Variants in ZNF420 observed in about 807,000 individuals in gnomAD.
The protein encoded by ZNF420 is ATM and p53-associated KZNF protein.
ZNF420 carries 31 observed loss-of-function variants against 44.7 expected under a neutral mutation model. That is an observed-to-expected ratio of 0.69 (90% confidence interval 0.52 to 0.94). The LOEUF (loss-of-function observed/expected upper bound fraction) is 0.94, where lower values mean the gene tolerates loss of function less well. Ranked by LOEUF, ZNF420 falls within the 40% of genes least tolerant of loss-of-function variation. The pLI is 0.00. For missense variants in ZNF420, 681 were observed against 827.9 expected, an observed-to-expected ratio of 0.82 and a Z score of 2.18; for synonymous variants, 245 against 267.4, an observed-to-expected ratio of 0.92 and a Z score of 0.82.
At chr19:37,009,056 A>G (rs2074549131) in intron 1 of ZNF420, among the ~76,000 whole-genome samples, 1 of 152,194 alleles carries the variant, frequency 6.6e-6, no homozygotes, top group African/African-American at 2.4e-5. Flanking sequence ...AATGAATGGT[A>G]GGCGACCGTG....
intron 1 of ZNF420, among the ~76,000 whole-genome samples, chr19:37,042,281 G>A (rs1176135056): frequency 1.3e-5 from 2 of 152,250 alleles, no homozygotes; most frequent in Admixed American, 6.5e-5. Flanking sequence ...ACAGGCGTGA[G>A]CCACTGCGCC....
chr19:37,053,575 A>T (rs1456679452), intron 1 of ZNF420, among the ~76,000 whole-genome samples: 1 of 152,128 alleles, frequency 6.6e-6, no homozygotes, highest in Non-Finnish European at 1.5e-5. Flanking sequence ...TTTTCCTTCT[A>T]ACAGTCAGGA....
Position 37,127,523 on chromosome 19 carries a change from C to T in ZNF420, c.532C>T (p.Arg178Cys), listed in dbSNP as rs1487563804. ...TAAGCAATGCGGGAAGGCCTTTAGT[C>T]GTGATTCACAACTCAGTCTTCATCA... ...ECKQCGKAFSRDSQLSLHQRL... is the reference protein window; with the variant it reads ...ECKQCGKAFSCDSQLSLHQRL... Residue 178 changes from arginine to cysteine, a missense_variant, in exon 5 of 5, where the codon CGT (arginine) becomes TGT (cysteine). Transcript: ENST00000337995. The T allele has an allele frequency of 3.7e-6, 6 of 1,613,698 alleles. No individual in the cohort carries two copies. Among genetic ancestry groups the T allele is most frequent in the African/African-American group, 1.3e-5 (1 of 74,876 alleles).
In ZNF420 at chr19:37,128,195, C is replaced by T. The variant is rs1971464315; in HGVS notation, c.1204C>T (p.His402Tyr). 2 of 1,613,958 alleles carry T rather than the reference C, an allele frequency of 1.2e-6. No homozygotes were observed. Among genetic ancestry groups the T allele is most frequent in the Admixed American group, 1.7e-5 (1 of 60,002 alleles). The change falls in exon 5 of 5, where the codon CAT becomes TAT. Residue 402 changes from histidine to tyrosine, a missense_variant. Physicochemically the swap from His to Tyr is moderately conservative, Grantham distance 83 (BLOSUM62 2). This residue lies in a region of ZNF420 where 51 missense variants were observed against 106.8 expected (regional missense o/e 0.48). Coordinates refer to ENST00000337995, the MANE Select transcript of ZNF420 (RefSeq NM_144689.5). ...ECKECGKMFS[H>Y]GSQLTQHQRI... ...TAAGGAATGTGGAAAGATGTTTAGT[C>T]ATGGCTCACAACTTACTCAACATCA...
intron 4 of ZNF420, among the ~76,000 whole-genome samples, chr19:37,110,181 TGTGA>T (rs1307211472): frequency 6.6e-6 from 1 of 152,216 alleles, no homozygotes; most frequent in Admixed American, 6.5e-5. Context: ...CCATATGAAA[TGTGA>T]GTAAGTATCA....
intron 1 of ZNF420, among the ~76,000 whole-genome samples, chr19:37,031,714 G>A (rs1967261114): frequency 6.6e-6 from 1 of 151,958 alleles, no homozygotes; most frequent in Non-Finnish European, 1.5e-5. Flanking sequence ...GGTTTTGCAT[G>A]TTGGCCAGGC....
At chr19:37,113,113 G>A (rs150778440) in intron 4 of ZNF420, among the ~76,000 whole-genome samples, 2 of 152,338 alleles carry the variant, frequency 1.3e-5, no homozygotes, top group African/African-American at 4.8e-5. Flanking sequence ...GGGGCCTGAG[G>A]CTGGCCCCTC....
chr19:37,126,810 T>G (rs1205212300), intron 4 of ZNF420, among the ~76,000 whole-genome samples: 2 of 152,158 alleles, frequency 1.3e-5, no homozygotes, highest in Non-Finnish European at 2.9e-5. Context: ...AGCTAATTTT[T>G]TTTAAAATTC....
chr19:37,044,525 A>G (rs1050646183), intron 1 of ZNF420, among the ~76,000 whole-genome samples: 4 of 152,136 alleles, frequency 2.6e-5, no homozygotes, highest in Non-Finnish European at 5.9e-5. Flanking sequence ...ATTTGAAAAT[A>G]ATTAATCCTA....
chr19:37,097,733 G>A (rs1969537413), intron 4 of ZNF420, among the ~76,000 whole-genome samples: 1 of 152,042 alleles, frequency 6.6e-6, no homozygotes, highest in Non-Finnish European at 1.5e-5. Context: ...AATTATTCCT[G>A]CATTTGTGGG....
chr19:37,032,248 A>G (rs1032094139), intron 1 of ZNF420, among the ~76,000 whole-genome samples: 1 of 152,058 alleles, frequency 6.6e-6, no homozygotes, highest in African/African-American at 2.4e-5. Context: ...CTGAGGCAGG[A>G]AAACCACTTG....
intron 4 of ZNF420, among the ~76,000 whole-genome samples, chr19:37,118,441 G>A (rs12978328): frequency 0.019 from 2,905 of 152,160 alleles, 77 homozygotes; most frequent in East Asian, 0.049. Context: ...TCACCAGCAG[G>A]CCTGCCCTAA....
intron 1 of ZNF420, among the ~76,000 whole-genome samples, chr19:37,034,346 C>G (rs913154108): frequency 6.6e-6 from 1 of 152,094 alleles, no homozygotes; most frequent in Non-Finnish European, 1.5e-5. Flanking sequence ...AGTCCTTTGC[C>G]TATTTTTTAG....
At chr19:37,019,766 T>TCA (rs770613898) in intron 1 of ZNF420, among the ~76,000 whole-genome samples, 28 of 115,574 alleles carry the variant, frequency 2.4e-4, no homozygotes, top group South Asian at 1.8e-3. Context: ...GACTCATCTG[T>TCA]CACAAAAAAA....
intron 3 of ZNF420, 51 bp downstream of exon 3, chr19:37,089,178 G>A (rs1398718576): frequency 5.9e-6 from 9 of 1,519,870 alleles, no homozygotes; most frequent in East Asian, 4.5e-5. Flanking sequence ...TACAGAGCAT[G>A]TGTGTGTTTG....
intron 3 of ZNF420, among the ~76,000 whole-genome samples, chr19:37,090,569 A>C (rs1407222643): frequency 6.6e-6 from 1 of 151,992 alleles, no homozygotes; most frequent in Non-Finnish European, 1.5e-5. Flanking sequence ...TGTACTTTTC[A>C]GCCCATGTGC....
intron 4 of ZNF420, among the ~76,000 whole-genome samples, chr19:37,117,669 C>T (rs1970773494): frequency 6.6e-6 from 1 of 151,784 alleles, no homozygotes; most frequent in Admixed American, 6.6e-5. Flanking sequence ...GATCAAACTA[C>T]TCCCGAGCTA....
At chr19:37,054,849 G>A (rs1967711841) in intron 1 of ZNF420, among the ~76,000 whole-genome samples, 2 of 152,176 alleles carry the variant, frequency 1.3e-5, no homozygotes. Context: ...CAGGAAGATT[G>A]TTATACAACA....
At chr19:37,076,835 C>T (rs1468429457), upstream of ZNF420, among the ~76,000 whole-genome samples, 2 of 152,154 alleles carry the variant, frequency 1.3e-5, no homozygotes, top group East Asian at 1.9e-4. Flanking sequence ...AATAAACATA[C>T]GTGTGCATGT....
Sources: gnomAD v4.1 joint callset for allele counts (sites outside exome capture counted in the v4.1 genomes callset) on GRCh38, gnomAD v4.1.1 for gene constraint, gnomAD v4.1.1 regional missense constraint, MANE v1.5 for transcripts, NCBI Gene and HGNC (gene_info 2026-07-23, HGNC 2026-07-21) for gene names.